The following MYOM2 variants were observed in gnomAD, a reference collection of about 807,000 sequenced individuals.
MYOM2 encodes myomesin-2.
MYOM2 carries 254 observed loss-of-function variants against 187.6 expected under a neutral mutation model. That is an observed-to-expected ratio of 1.35 (90% CI 1.22 to 1.50). The LOEUF (loss-of-function observed/expected upper bound fraction) is 1.50, where lower values mean the gene tolerates loss of function less well. Among genes scored for constraint, MYOM2 ranks in the 40% most tolerant of loss-of-function variants. The probability of loss-of-function intolerance (pLI) is 0.00; values close to 1 mark genes in which losing one functional copy is unlikely to be tolerated. For missense variants in MYOM2, 2,796 were observed against 1,924.0 expected, an observed-to-expected ratio of 1.45 and a Z score of -8.48; for synonymous variants, 981 against 753.8, an observed-to-expected ratio of 1.30 and a Z score of -4.94.
chr8:2,063,484 C>G (rs913539692), intron 6 of MYOM2, among the ~76,000 whole-genome samples: 1 of 152,196 alleles, frequency 6.6e-6, no homozygotes, highest in Non-Finnish European at 1.5e-5. Context: ...TGTGAGCCCT[C>G]ATTCTTCAAA....
chr8:2,059,367 C>T, intron 6 of MYOM2, 122 bp downstream of exon 6: 1 of 728,238 alleles, frequency 1.4e-6, no homozygotes, highest in Admixed American at 2.8e-5. Context: ...CCCCGGGTGA[C>T]TTTAAATAGC....
intron 2 of MYOM2, among the ~76,000 whole-genome samples, chr8:2,051,605 C>T (rs1818490040): frequency 6.6e-6 from 1 of 152,172 alleles, no homozygotes; most frequent in Non-Finnish European, 1.5e-5. Context: ...CAAAGCCAAA[C>T]ATTTGCAGCC....
At chr8:2,094,191 GAA>G in intron 17 of MYOM2, 100 bp downstream of exon 17, 2 of 1,446,546 alleles carry the variant, frequency 1.4e-6, no homozygotes, top group South Asian at 1.4e-5. Flanking sequence ...CATTGAAGGG[GAA>G]AAGGGGACTA....
At chr8:2,112,743 G>C (rs1363938158) in intron 25 of MYOM2, among the ~76,000 whole-genome samples, 1 of 152,218 alleles carries the variant, frequency 6.6e-6, no homozygotes, top group Non-Finnish European at 1.5e-5. Flanking sequence ...TGTAAACTCA[G>C]AGAGAAAGAA....
rs3736660 is a variant in MYOM2, at chr8:2,141,019, T to G, written c.3965-122T>G. On this transcript the variant is annotated intron_variant, in intron 33 of 36. Transcript: ENST00000262113. ...TTTTCATTTAGAGAAAATGAAAAAATAAATTTATTCTTTTTTTATATATCA... is the reference window on the plus strand; with the variant it reads ...TTTTCATTTAGAGAAAATGAAAAAAGAAATTTATTCTTTTTTTATATATCA... 2.3e-3 allele frequency: 3,110 copies of G among 1,328,526 alleles called. 39 individuals carry two copies. In the East Asian group the frequency reaches 0.035, roughly 15 times the overall value. The allele number at this position is 1,328,526 out of a possible 1,614,324, so 82.3% of individuals were successfully genotyped here.
chr8:2,064,951 T>C (rs888057383), intron 6 of MYOM2, among the ~76,000 whole-genome samples: 20 of 152,216 alleles, frequency 1.3e-4, no homozygotes, highest in Admixed American at 8.5e-4. Flanking sequence ...TATAGGACTG[T>C]AAGGGCAAGG....
chr8:2,056,721 G>C (rs1010040753), intron 3 of MYOM2, among the ~76,000 whole-genome samples: 1 of 152,100 alleles, frequency 6.6e-6, no homozygotes, highest in Non-Finnish European at 1.5e-5. Context: ...ACTCACACAT[G>C]GGGAGCTCAC....
At chr8:2,047,318 A>T (rs1170157212) in intron 1 of MYOM2, among the ~76,000 whole-genome samples, 26 of 152,046 alleles carry the variant, frequency 1.7e-4, no homozygotes, top group Admixed American at 1.7e-3. Context: ...GACACTGGGG[A>T]AGTTCTAACA....
intron 32 of MYOM2, among the ~76,000 whole-genome samples, chr8:2,136,499 C>A (rs1798075355): frequency 6.6e-6 from 1 of 152,128 alleles, no homozygotes; most frequent in East Asian, 1.9e-4. Flanking sequence ...GTGTTCTTCC[C>A]CCAGATTGTG....
rs528082365 is a variant in MYOM2 at position 2,106,535 on chromosome 8, C to G, written c.2936C>G (p.Thr979Ser). ...AATCCGGATAAGGAGGATTTAGGGA[C>G]TTACTCCGTGTCTGTAAGTGATACA... Reference protein sequence around the residue: ...LKNPDKEDLGTYSVSVSDTDG... With the variant: ...LKNPDKEDLGSYSVSVSDTDG... Residue 979 changes from threonine to serine, a missense_variant, in exon 23 of 37, where the codon ACT becomes AGT. Thr to Ser is a moderately conservative substitution (Grantham distance 58). Coordinates refer to ENST00000262113, the MANE Select transcript of MYOM2 (RefSeq NM_003970.4). The G allele has an allele frequency of 2.5e-6, 4 of 1,612,604 alleles. No individual in the cohort carries two copies. Among genetic ancestry groups the G allele is most frequent in the Middle Eastern group, 1.7e-4 (1 of 6,056 alleles).
At chr8:2,124,327 T>A in intron 31 of MYOM2, 110 bp downstream of exon 31, 1 of 1,119,714 alleles carries the variant, frequency 8.9e-7, no homozygotes, top group Non-Finnish European at 1.3e-6. Flanking sequence ...GTGGTGCGTG[T>A]TCTGTGGGAG....
chr8:2,101,479 G>A (rs34383165), intron 20 of MYOM2, among the ~76,000 whole-genome samples: 21 of 152,338 alleles, frequency 1.4e-4, no homozygotes, highest in South Asian at 8.3e-4. Flanking sequence ...ACCGAGCCCC[G>A]AGGTGAACCT....
Position 2,117,875 on chromosome 8 carries a change from TC to T in MYOM2, c.3386-8del. 1.9e-6 allele frequency: 3 copies of T among 1,599,336 alleles called. No individual in the cohort carries two copies. The highest frequency in any genetic ancestry group is 2.6e-6 in the Non-Finnish European group (3 of 1,175,230). On this transcript the variant is annotated splice_polypyrimidine_tract_variant and intron_variant, in intron 27 of 36. Coordinates refer to ENST00000262113, the MANE Select transcript of MYOM2 (RefSeq NM_003970.4). ...TTTTTATATGTTTTCTTCCCTTTTT[TC>T]CTCCCTAGGCCCTCATTTTGCTGAG...
rs972582186 is a variant in MYOM2 at position 2,063,963 on chromosome 8, T to C, written c.653+4718T>C. Among the ~76,000 whole-genome samples, 3 of 152,320 alleles carry C rather than the reference T, an allele frequency of 2.0e-5. No homozygotes were observed. In the East Asian group the frequency reaches 5.8e-4, roughly 29 times the overall value. ...CACTTGCTTGCAAGTTCTCACAGCA[T>C]GAAGCAAAGGCTGGAATTAGACTGG... is the stretch of plus-strand genomic sequence containing the variant. On this transcript the variant is annotated intron_variant, in intron 6 of 36. Transcript: ENST00000262113.
At position 2,124,053 on chromosome 8, in the gene MYOM2, C is replaced by T. The variant is rs1273907479; in HGVS notation, c.3656-126C>T. 5.4e-6 allele frequency: 5 copies of T among 917,646 alleles called. No homozygotes were observed. In the East Asian group the frequency reaches 8.0e-5, roughly 15 times the overall value. 56.8% of individuals were successfully genotyped at this position (917,646 alleles called of 1,614,324 possible). On this transcript the variant is annotated intron_variant, in intron 30 of 36. Coordinates refer to ENST00000262113, the MANE Select transcript of MYOM2 (RefSeq NM_003970.4). ...ATAAGTCTTTTATGGATAAATATTGCCATTTTAATGATTCATTTTTCAACT... is the reference window on the plus strand; with the variant it reads ...ATAAGTCTTTTATGGATAAATATTGTCATTTTAATGATTCATTTTTCAACT...
rs763852452 is a variant in MYOM2 at position 2,102,681 on chromosome 8, G to T, written c.2634G>T (p.Gln878His). The T allele has an allele frequency of 6.2e-7, 1 of 1,610,774 alleles. No homozygotes were observed. The highest frequency in any genetic ancestry group is 1.1e-5 in the South Asian group (1 of 90,946). Residue 878 changes from glutamine to histidine, a missense_variant, in exon 21 of 37, where the codon CAG (glutamine) becomes CAT (histidine). Physicochemically the swap from Gln to His is conservative, Grantham distance 24. Coordinates refer to ENST00000262113, the MANE Select transcript of MYOM2 (RefSeq NM_003970.4). ...GTTGTTTCAAGGTCTCTGACCTGCAGCAAGGTAAGACCTATGTCTTCAGGG... is the reference window on the plus strand; with the variant it reads ...GTTGTTTCAAGGTCTCTGACCTGCATCAAGGTAAGACCTATGTCTTCAGGG... ...ASRYLKVSDL[Q>H]QGKTYVFRVR... is the part of the protein sequence containing the mutation.
At chr8:2,091,470 A>C (rs1255528652) in intron 15 of MYOM2, among the ~76,000 whole-genome samples, 2 of 152,320 alleles carry the variant, frequency 1.3e-5, no homozygotes, top group African/African-American at 4.8e-5. Context: ...GTTAACTAGC[A>C]TGTAAGCGGA....
At chr8:2,137,514 G>A (rs1416617648) in intron 32 of MYOM2, among the ~76,000 whole-genome samples, 2 of 152,016 alleles carry the variant, frequency 1.3e-5, no homozygotes, top group Non-Finnish European at 2.9e-5. Flanking sequence ...CCTGTCCCAC[G>A]GGTCTGTGTG....
intron 2 of MYOM2, among the ~76,000 whole-genome samples, chr8:2,051,301 G>A (rs891759021): frequency 2.0e-5 from 3 of 152,144 alleles, no homozygotes; most frequent in South Asian, 2.1e-4. Flanking sequence ...TGGCTACATC[G>A]ATCATGGATG....
Sources: allele counts gnomAD v4.1 joint callset (sites outside exome capture counted in the v4.1 genomes callset), GRCh38; gene constraint gnomAD v4.1.1; transcripts MANE v1.5; gene names NCBI Gene and HGNC (gene_info 2026-07-23, HGNC 2026-07-21).